Variants in PLEKHG7 observed in about 807,000 individuals in gnomAD.
PLEKHG7 encodes pleckstrin homology and RhoGEF domain containing G7.
In PLEKHG7, 77 loss-of-function variants were observed where a neutral mutation model predicts 85.2. The observed-to-expected ratio is 0.90, with a 90% CI of 0.75 to 1.09. The LOEUF (loss-of-function observed/expected upper bound fraction) is 1.09. Ranked by LOEUF, PLEKHG7 falls within the 50% of genes least tolerant of loss-of-function variation. The pLI, the probability that PLEKHG7 is intolerant of heterozygous loss-of-function variation, is 0.00. For synonymous variants in PLEKHG7, 301 were observed against 302.4 expected (o/e 1.00, Z 0.05); for missense variants, 777 against 804.3 (o/e 0.97, Z 0.41).
intron 10 of PLEKHG7, among the ~76,000 whole-genome samples, chr12:92,745,816 T>G (rs1260409267): frequency 6.6e-6 from 1 of 152,242 alleles, no homozygotes; most frequent in Non-Finnish European, 1.5e-5. Context: ...ATATCCCTCC[T>G]GAAATGTTGG....
chr12:92,736,639 G>A, intron 6 of PLEKHG7, 62 bp downstream of exon 6: 1 of 1,026,142 alleles, frequency 9.7e-7, no homozygotes. Flanking sequence ...GGTGGGGTGG[G>A]GAAGGTCGGG....
chr12:92,728,548 TA>T (rs1171926563), intron 3 of PLEKHG7, among the ~76,000 whole-genome samples: 1 of 147,964 alleles, frequency 6.8e-6, no homozygotes, highest in Non-Finnish European at 1.5e-5. Context: ...TAAATATATA[TA>T]TACACCACAT....
intron 3 of PLEKHG7, among the ~76,000 whole-genome samples, chr12:92,720,114 A>T (rs1871596359): frequency 6.6e-6 from 1 of 152,186 alleles, no homozygotes; most frequent in Non-Finnish European, 1.5e-5. Flanking sequence ...ACTTTAAAAA[A>T]CAGAAATTTA....
At chr12:92,764,573 C>T (rs1278114397) in intron 15 of PLEKHG7, among the ~76,000 whole-genome samples, 1 of 151,986 alleles carries the variant, frequency 6.6e-6, no homozygotes, top group African/African-American at 2.4e-5. Flanking sequence ...TATTAAAACA[C>T]TGAGAAACCA....
chr12:92,708,169 C>T (rs1021330926), intron 3 of PLEKHG7: 2 of 153,518 alleles, frequency 1.3e-5, no homozygotes, highest in African/African-American at 4.8e-5. Flanking sequence ...TCAGCACGGC[C>T]CCCTGGTTGT....
chr12:92,707,493 G>A, intron 2 of PLEKHG7, 157 bp from the exon 3 acceptor site: 1 of 1,459,380 alleles, frequency 6.9e-7, no homozygotes, highest in South Asian at 1.5e-5. Flanking sequence ...GATTTAAAAG[G>A]GGAGAAAGAG....
intron 10 of PLEKHG7, among the ~76,000 whole-genome samples, chr12:92,749,124 A>G (rs889437830): frequency 9.2e-5 from 14 of 152,122 alleles, no homozygotes; most frequent in African/African-American, 3.1e-4. Flanking sequence ...ACGTAAACCT[A>G]TGCCATGTTA....
intron 4 of PLEKHG7, among the ~76,000 whole-genome samples, chr12:92,729,386 C>T (rs1255223372): frequency 6.7e-6 from 1 of 149,522 alleles, no homozygotes; most frequent in Non-Finnish European, 1.5e-5. Flanking sequence ...AATGTCTTAT[C>T]CCAGGCCCAA....
chr12:92,737,573 T>G, intron 7 of PLEKHG7, 52 bp downstream of exon 7: 1 of 1,545,424 alleles, frequency 6.5e-7, no homozygotes. Context: ...ATTTGTTTTT[T>G]TGGGCACTTG....
chr12:92,732,591 A>T lies in PLEKHG7; in HGVS notation c.699+318A>T, dbSNP rs555350354. Among the ~76,000 whole-genome samples the T allele has an allele frequency of 2.0e-5, 3 of 152,318 alleles. No individual in the cohort carries two copies. In the East Asian group the frequency reaches 5.8e-4, roughly 29 times the overall value. ...AGAAAGCAGCTCACTCGATGAAGCAAACTTGCACAAATGTATGCCCCAGTT... is the reference window on the plus strand; with the variant it reads ...AGAAAGCAGCTCACTCGATGAAGCATACTTGCACAAATGTATGCCCCAGTT... On this transcript the variant is annotated intron_variant, in intron 5 of 16. Transcript: ENST00000344636.
intron 3 of PLEKHG7, among the ~76,000 whole-genome samples, chr12:92,710,337 A>G (rs1206403099): frequency 6.6e-6 from 1 of 152,212 alleles, no homozygotes; most frequent in African/African-American, 2.4e-5. Flanking sequence ...CTGTCAATCT[A>G]GCTGCTTCAG....
At chr12:92,715,089 C>CA (rs1375895007) in intron 3 of PLEKHG7, among the ~76,000 whole-genome samples, 1 of 152,100 alleles carries the variant, frequency 6.6e-6, no homozygotes, top group Non-Finnish European at 1.5e-5. Flanking sequence ...AGTATTAACT[C>CA]ACATGATCAC....
At chr12:92,735,845 T>G (rs573879043) in intron 5 of PLEKHG7, among the ~76,000 whole-genome samples, 1 of 148,760 alleles carries the variant, frequency 6.7e-6, no homozygotes, top group Non-Finnish European at 1.5e-5. Flanking sequence ...ATTTCATGCT[T>G]TTTTTTGTTT....
Position 92,770,291 on chromosome 12 carries a change from A to C in PLEKHG7, c.*96A>C. The C allele has an allele frequency of 1.0e-6, 1 of 953,566 alleles. No individual in the cohort carries two copies. Among genetic ancestry groups the C allele is most frequent in the Non-Finnish European group, 1.6e-6 (1 of 628,278 alleles). The allele number at this position is 953,566 out of a possible 1,614,324, so 59.1% of individuals were successfully genotyped here. A position where few individuals can be genotyped will look rare whatever the true frequency, so the allele number is the denominator to read the frequency against. Reference sequence around the variant, plus strand: ...AACACTTAGCTAGTGATAAGCTAGAAGGAAATTTGCATTTTAAAGAAGTTT... The same window carrying C: ...AACACTTAGCTAGTGATAAGCTAGACGGAAATTTGCATTTTAAAGAAGTTT... On this transcript the variant is annotated 3_prime_UTR_variant, in exon 17 of 17. Coordinates refer to ENST00000344636, the MANE Select transcript of PLEKHG7 (RefSeq NM_001377329.1).
At chr12:92,729,893 G>A (rs971932581) in intron 4 of PLEKHG7, among the ~76,000 whole-genome samples, 2 of 152,130 alleles carry the variant, frequency 1.3e-5, no homozygotes, top group Admixed American at 1.3e-4. Flanking sequence ...AGGAGTCTCA[G>A]ACACCCAACA....
At position 92,736,582 on chromosome 12, in the gene PLEKHG7, CT is replaced by C; in HGVS notation, c.795+8del. ...TATGACTTCTACGGTCTTAAGGTAT[CT>C]TTCAAACTGTTAACTATGGGGTTTG... is the stretch of plus-strand genomic sequence containing the variant. On this transcript the variant is annotated splice_donor_region_variant and intron_variant, in intron 6 of 16. Transcript: ENST00000344636. 1 of 1,219,554 alleles carries C rather than the reference CT, an allele frequency of 8.2e-7. No individual in the cohort carries two copies. The highest frequency in any genetic ancestry group is 1.0e-6 in the Non-Finnish European group (1 of 976,544). The allele number at this position is 1,219,554 out of a possible 1,614,324, so 75.5% of individuals were successfully genotyped here. A position where few individuals can be genotyped will look rare whatever the true frequency, so the allele number is the denominator to read the frequency against.
intron 6 of PLEKHG7, among the ~76,000 whole-genome samples, chr12:92,737,038 T>G (rs1282621537): frequency 3.3e-5 from 5 of 151,976 alleles, no homozygotes; most frequent in Admixed American, 2.6e-4. Flanking sequence ...GTTCTTTGAG[T>G]TTTTTTTGTC....
rs1307968930 is a variant in PLEKHG7, at chr12:92,761,620, AAAG to A, written c.1637-126_1637-124del. On this transcript the variant is annotated intron_variant, in intron 13 of 16. Coordinates refer to ENST00000344636, the MANE Select transcript of PLEKHG7 (RefSeq NM_001377329.1). ...AAGAAAGAAAGAAAAAGAAAGAAAG[AAAG>A]AAGAAAGAAAGAAAGAAAGAAAGAA... 1,593 of 1,039,130 alleles carry A rather than the reference AAAG, an allele frequency of 1.5e-3. 23 individuals carry two copies. The African/African-American group carries it at 0.021, about 13-fold the overall frequency. 64.4% of individuals were successfully genotyped at this position (1,039,130 alleles called of 1,614,324 possible). A position where few individuals can be genotyped will look rare whatever the true frequency, so the allele number is the denominator to read the frequency against.
intron 3 of PLEKHG7, among the ~76,000 whole-genome samples, chr12:92,720,061 T>A (rs532253781): frequency 2.0e-5 from 3 of 152,352 alleles, no homozygotes; most frequent in African/African-American, 7.2e-5. Context: ...TGCCCCATAT[T>A]CGTTTCCTGT....
Sources: gnomAD v4.1 joint callset for allele counts (sites outside exome capture counted in the v4.1 genomes callset) on GRCh38, gnomAD v4.1.1 for gene constraint, MANE v1.5 for transcripts, NCBI Gene and HGNC (gene_info 2026-07-23, HGNC 2026-07-21) for gene names.